Variants in MYO9A observed in about 807,000 individuals in gnomAD.
The protein encoded by MYO9A is myosin IXA.
A neutral mutation model predicts 293.3 loss-of-function variants in MYO9A; 103 were observed. That is an observed-to-expected ratio of 0.35 (90% confidence interval 0.30 to 0.41). The LOEUF (loss-of-function observed/expected upper bound fraction) is 0.41. Ranked by LOEUF, MYO9A falls within the 10% of genes least tolerant of loss-of-function variation. The pLI, the probability that MYO9A is intolerant of heterozygous loss-of-function variation, is 1.00. For missense variants in MYO9A, 2,685 were observed against 3,033.0 expected (o/e 0.89, Z 2.69); for synonymous variants, 1,001 against 1,035.7 (o/e 0.97, Z 0.64).
rs1432112385 is a variant in MYO9A, at chr15:71,827,997, A to G, written c.7070T>C (p.Leu2357Pro). 1.9e-6 allele frequency: 3 copies of G among 1,613,658 alleles called. No individual in the cohort carries two copies. Among genetic ancestry groups the G allele is most frequent in the Non-Finnish European group, 1.7e-6 (2 of 1,179,794 alleles). The change falls in exon 41 of 42, where the codon CTG becomes CCG. Residue 2357 changes from leucine (L) to proline (P), a missense_variant. By Grantham distance (98) the Leu-to-Pro change is moderately conservative. Coordinates refer to ENST00000356056, the MANE Select transcript of MYO9A (RefSeq NM_006901.4). ...TTCATCATCAGAGGCACGGGGTTCC[A>G]GTACAAGCATCTCAAATGTTAGCTC... ...KEELTFEMLV[L>P]EPRASDDETL...
At chr15:72,027,919 C>A in intron 3 of MYO9A, 126 bp from the exon 4 acceptor site, 1 of 672,106 alleles carries the variant, frequency 1.5e-6, no homozygotes, top group Non-Finnish European at 2.5e-6. Flanking sequence ...CGCCATTGGC[C>A]GGGCGAGGTG....
chr15:71,944,834 A>T (rs917924395), intron 15 of MYO9A, among the ~76,000 whole-genome samples: 1 of 152,134 alleles, frequency 6.6e-6, no homozygotes. Flanking sequence ...ATTTCTCTAT[A>T]AAGTTTAGAT....
chr15:71,870,587 T>A (rs12912771), intron 32 of MYO9A, among the ~76,000 whole-genome samples: 49,734 of 152,042 alleles, frequency 0.33, 9,080 homozygotes, highest in East Asian at 0.59. Flanking sequence ...TTGAGTATAC[T>A]GTTGTCTCTC....
chr15:72,114,554 G>T (rs924885488), intron 1 of MYO9A: 1 of 152,084 alleles, frequency 6.6e-6, no homozygotes, highest in African/African-American at 2.4e-5. Flanking sequence ...GTAGGAAATC[G>T]GGGGGAAGAA....
chr15:72,074,082 C>T (rs990908366), intron 1 of MYO9A, among the ~76,000 whole-genome samples: 6 of 151,848 alleles, frequency 4.0e-5, no homozygotes, highest in Admixed American at 2.0e-4. Flanking sequence ...TGCCTTTACA[C>T]ATAAAAAATG....
intron 8 of MYO9A, 110 bp downstream of exon 8, chr15:72,007,716 A>C: frequency 9.7e-7 from 1 of 1,026,616 alleles, no homozygotes; most frequent in Non-Finnish European, 1.3e-6. Flanking sequence ...GTGCCTAATA[A>C]AAGCATTATT....
chr15:71,852,362 CTTTTTTTTTTTT>C, intron 35 of MYO9A, 102 bp from the exon 36 acceptor site: 1 of 613,584 alleles, frequency 1.6e-6, no homozygotes, highest in Non-Finnish European at 2.3e-6. Context: ...CTTCATGTTT[CTTTTTTTTTTTT>C]TTTTTTGAGA....
At chr15:72,023,546 A>T (rs1464693564) in intron 4 of MYO9A, among the ~76,000 whole-genome samples, 2 of 151,860 alleles carry the variant, frequency 1.3e-5, no homozygotes, top group Admixed American at 1.3e-4. Flanking sequence ...TACAAAAAAA[A>T]TAGCTGGGCA....
At chr15:71,980,555 C>T (rs963911443) in intron 11 of MYO9A, among the ~76,000 whole-genome samples, 3 of 152,212 alleles carry the variant, frequency 2.0e-5, no homozygotes, top group Admixed American at 6.5e-5. Flanking sequence ...AAACTCTTGG[C>T]TGGGCACAGT....
chr15:72,089,283 C>T (rs980445447), intron 1 of MYO9A, among the ~76,000 whole-genome samples: 2 of 152,134 alleles, frequency 1.3e-5, no homozygotes, highest in South Asian at 2.1e-4. Context: ...CCACCTCAGC[C>T]ACCCCAATAG....
chr15:71,991,409 T>TTAAA (rs1036336198), intron 10 of MYO9A, among the ~76,000 whole-genome samples, 172 bp from the exon 11 acceptor site: 1 of 152,246 alleles, frequency 6.6e-6, no homozygotes, highest in African/African-American at 2.4e-5. Context: ...GTTATCTTTA[T>TTAAA]CTTACTTTTA....
At chr15:72,019,979 T>G (rs890499032) in intron 5 of MYO9A, among the ~76,000 whole-genome samples, 8 of 152,296 alleles carry the variant, frequency 5.3e-5, no homozygotes, top group African/African-American at 1.9e-4. Context: ...CTCGAACTCC[T>G]GACCTCAGGT....
intron 1 of MYO9A, among the ~76,000 whole-genome samples, chr15:72,048,111 C>A (rs1307848303): frequency 1.3e-5 from 2 of 151,996 alleles, no homozygotes. Flanking sequence ...AAAAACCCAG[C>A]CATATAGGCC....
At chr15:71,884,959 CTTTTT>C (rs544597176) in intron 27 of MYO9A, among the ~76,000 whole-genome samples, 8 of 136,640 alleles carry the variant, frequency 5.9e-5, no homozygotes, top group African/African-American at 2.1e-4. Context: ...TTCTTTCTTC[CTTTTT>C]TTTTTTTTTT....
At chr15:72,066,797 C>T (rs1002938340) in intron 1 of MYO9A, among the ~76,000 whole-genome samples, 10 of 151,666 alleles carry the variant, frequency 6.6e-5, no homozygotes, top group Non-Finnish European at 1.3e-4. Context: ...TGCTTGAACC[C>T]GGGAGGCAGA....
At chr15:71,939,391 T>C (rs999445552) in intron 15 of MYO9A, among the ~76,000 whole-genome samples, 6 of 152,204 alleles carry the variant, frequency 3.9e-5, no homozygotes, top group Non-Finnish European at 8.8e-5. Flanking sequence ...CACTGTCTGT[T>C]GTTTCCTTCG....
chr15:71,953,875 TTTGTTTTG>T lies in MYO9A; in HGVS notation c.2183-1987_2183-1980del, dbSNP rs1015034826. ...TCTGAGGAGTCTCATCAACTGTTTT[TTTGTTTTG>T]TTTTGTTTTGTTTTGTTTTGTTTTG... is the stretch of plus-strand genomic sequence containing the variant. On this transcript the variant is annotated intron_variant, in intron 14 of 41. Coordinates refer to ENST00000356056, the MANE Select transcript of MYO9A (RefSeq NM_006901.4). Among the ~76,000 whole-genome samples the T allele has an allele frequency of 8.4e-5, 12 of 142,808 alleles. No homozygotes were observed. The South Asian group carries it at 1.7e-3, about 20-fold the overall frequency. 93.7% of individuals were successfully genotyped at this position (142,808 alleles called of 152,430 possible).
chr15:71,956,615 C>T (rs1007754093), intron 14 of MYO9A, among the ~76,000 whole-genome samples: 1 of 150,118 alleles, frequency 6.7e-6, no homozygotes, highest in African/African-American at 2.4e-5. Context: ...CACTGCACTC[C>T]AGCCTGGGCG....
intron 16 of MYO9A, among the ~76,000 whole-genome samples, chr15:71,936,776 A>G (rs1236068467): frequency 4.6e-5 from 7 of 152,010 alleles, no homozygotes; most frequent in Non-Finnish European, 7.4e-5. Context: ...AAACGCTTGT[A>G]TTTTCATTAT....
Sources: allele counts gnomAD v4.1 joint callset (sites outside exome capture counted in the v4.1 genomes callset), GRCh38; gene constraint gnomAD v4.1.1; transcripts MANE v1.5; gene names NCBI Gene and HGNC (gene_info 2026-07-23, HGNC 2026-07-21).